ZBTB8A: variants seen among roughly 807,000 people sequenced by gnomAD.
ZBTB8A encodes the protein zinc finger and BTB domain containing 8A, also known as zinc finger and BTB domain-containing protein 8A.
Under a neutral mutation model 37.8 loss-of-function variants are expected in ZBTB8A, and 19 were observed. That is an observed-to-expected ratio of 0.50 (90% CI 0.35 to 0.74). The LOEUF is 0.74. Ranked by LOEUF, ZBTB8A falls within the 30% of genes least tolerant of loss-of-function variation. The pLI is 0.01. For missense variants in ZBTB8A, 394 were observed against 537.8 expected (o/e 0.73, Z 2.65); for synonymous variants, 181 against 185.2 (o/e 0.98, Z 0.19).
intron 2 of ZBTB8A, among the ~76,000 whole-genome samples, chr1:32,565,657 AT>A (rs1236202527): frequency 2.6e-5 from 4 of 151,958 alleles, no homozygotes; most frequent in Non-Finnish European, 4.4e-5. Flanking sequence ...TCTTTAAAAA[AT>A]TTTTTTTAAT....
chr1:32,567,791 C>CAAAAAAAAAAAAAAAAAAAAAAAAA (rs1214976482), intron 2 of ZBTB8A, among the ~76,000 whole-genome samples: 2 of 6,424 alleles, frequency 3.1e-4, no homozygotes, highest in Non-Finnish European at 5.4e-4. Context: ...GATTCTGTCT[C>CAAAAAAAAAAAAAAAAAAAAAAAAA]AAAAAAAAAA....
At chr1:32,558,898 AG>A (rs1192361344) in intron 2 of ZBTB8A, among the ~76,000 whole-genome samples, 6 of 152,198 alleles carry the variant, frequency 3.9e-5, no homozygotes, top group African/African-American at 1.4e-4. Flanking sequence ...GCGCCTGCAG[AG>A]TTCTTGACAT....
At chr1:32,586,126 T>A (rs1016554445) in intron 2 of ZBTB8A, among the ~76,000 whole-genome samples, 2 of 151,958 alleles carry the variant, frequency 1.3e-5, no homozygotes, top group African/African-American at 4.8e-5. Flanking sequence ...GAGACCACCC[T>A]GACCAACAGG....
At chr1:32,568,393 C>CTTT (rs530222719) in intron 2 of ZBTB8A, among the ~76,000 whole-genome samples, 2 of 145,002 alleles carry the variant, frequency 1.4e-5, no homozygotes, top group East Asian at 4.0e-4. Flanking sequence ...TCTGCCTATT[C>CTTT]TTTTTTTTTT....
At chr1:32,554,879 A>C (rs1380807128) in intron 2 of ZBTB8A, among the ~76,000 whole-genome samples, 2 of 152,106 alleles carry the variant, frequency 1.3e-5, no homozygotes, top group Non-Finnish European at 2.9e-5. Flanking sequence ...TAACTTAATC[A>C]CATACTCGTA....
intron 2 of ZBTB8A, among the ~76,000 whole-genome samples, chr1:32,555,519 C>T (rs1378979646): frequency 6.6e-6 from 1 of 152,158 alleles, no homozygotes; most frequent in Non-Finnish European, 1.5e-5. Flanking sequence ...TGAAATTCTC[C>T]ACCCTTGGCT....
At chr1:32,563,444 CTTCTTT>C (rs1644257968) in intron 2 of ZBTB8A, among the ~76,000 whole-genome samples, 1 of 152,038 alleles carries the variant, frequency 6.6e-6, no homozygotes, top group African/African-American at 2.4e-5. Flanking sequence ...GGGCTGACAC[CTTCTTT>C]TTCTTTTTCT....
chr1:32,548,838 T>G (rs1644127289), intron 1 of ZBTB8A, among the ~76,000 whole-genome samples: 1 of 152,214 alleles, frequency 6.6e-6, no homozygotes, highest in African/African-American at 2.4e-5. Flanking sequence ...CTCGCAGCTC[T>G]GTAAGCTATA....
chr1:32,561,034 A>T (rs1644240440), intron 2 of ZBTB8A, among the ~76,000 whole-genome samples: 1 of 151,784 alleles, frequency 6.6e-6, no homozygotes, highest in African/African-American at 2.4e-5. Context: ...TCAAATACTA[A>T]ATCGCCTCTC....
At chr1:32,562,569 C>CTTTT (rs751648634) in intron 2 of ZBTB8A, among the ~76,000 whole-genome samples, 40 of 111,838 alleles carry the variant, frequency 3.6e-4, no homozygotes, top group East Asian at 7.7e-4. Context: ...CCGCGTCCGG[C>CTTTT]TTTTTTTTTT....
chr1:32,553,778 T>C (rs1292223854), intron 2 of ZBTB8A, among the ~76,000 whole-genome samples: 1 of 149,738 alleles, frequency 6.7e-6, no homozygotes, highest in Non-Finnish European at 1.5e-5. Flanking sequence ...CCCAGCTACT[T>C]GGGAGGCTGA....
chr1:32,562,130 T>C (rs1336042513), intron 2 of ZBTB8A, among the ~76,000 whole-genome samples: 1 of 150,872 alleles, frequency 6.6e-6, no homozygotes, highest in Admixed American at 6.6e-5. Flanking sequence ...TGTTTTTTTT[T>C]TTTTTTGTAG....
chr1:32,556,452 C>T (rs7546180), intron 2 of ZBTB8A, among the ~76,000 whole-genome samples: 2,923 of 152,172 alleles, frequency 0.019, 31 homozygotes, highest in Middle Eastern at 0.031. Context: ...ACTGCAGCCT[C>T]CAACTCCTGG....
rs79777369 is a variant in ZBTB8A at position 32,568,915 on chromosome 1, G to A, written c.-2+15375G>A. ...CCAATTTGGGGCTAATATGAACAAA[G>A]CTGCTATGAAAATTCTTGTATAAAT... On this transcript the variant is annotated intron_variant, in intron 2 of 4. Transcript: ENST00000373510. Among the ~76,000 whole-genome samples, 769 of 152,260 alleles carry A rather than the reference G, an allele frequency of 5.1e-3. 9 individuals carry two copies. The highest frequency in any genetic ancestry group is 0.043 in the East Asian group (225 of 5,188).
chr1:32,581,479 G>C (rs1202112156), intron 2 of ZBTB8A, among the ~76,000 whole-genome samples: 1 of 150,172 alleles, frequency 6.7e-6, no homozygotes, highest in Admixed American at 6.8e-5. Context: ...AGCCTCCCAA[G>C]TAGCTGGGAT....
intron 1 of ZBTB8A, among the ~76,000 whole-genome samples, chr1:32,542,606 C>G (rs1570301896): frequency 6.6e-6 from 1 of 152,084 alleles, no homozygotes. Context: ...CAACGACAAC[C>G]TTAGTTCAAG....
At chr1:32,559,122 CT>C (rs1251244703) in intron 2 of ZBTB8A, among the ~76,000 whole-genome samples, 3 of 152,020 alleles carry the variant, frequency 2.0e-5, no homozygotes, top group African/African-American at 4.8e-5. Context: ...CTACTTCTTT[CT>C]TTTTTTGAGA....
intron 4 of ZBTB8A, among the ~76,000 whole-genome samples, chr1:32,595,564 G>A (rs772196724): frequency 4.0e-5 from 6 of 150,104 alleles, no homozygotes; most frequent in East Asian, 3.9e-4. Flanking sequence ...CACCACGCCC[G>A]GCCTTGTTTT....
At chr1:32,578,190 A>G (rs113071103) in intron 2 of ZBTB8A, among the ~76,000 whole-genome samples, 40 of 150,168 alleles carry the variant, frequency 2.7e-4, no homozygotes, top group African/African-American at 9.5e-4. Context: ...TCAGCCTCCC[A>G]AGTAGCTGGG....
Sources: allele counts gnomAD v4.1 joint callset (sites outside exome capture counted in the v4.1 genomes callset), GRCh38; gene constraint gnomAD v4.1.1; transcripts MANE v1.5; gene names NCBI Gene and HGNC (gene_info 2026-07-23, HGNC 2026-07-21).